Variants in SCUBE2 observed in about 807,000 individuals in gnomAD.
The protein encoded by SCUBE2 is signal peptide, CUB and EGF-like domain-containing protein 2.
A neutral mutation model predicts 125.9 loss-of-function variants in SCUBE2; 114 were observed. The ratio of observed to expected loss-of-function variants is 0.91; its 90% CI spans 0.78 to 1.06. The LOEUF is 1.06. Ranked by LOEUF, SCUBE2 falls within the 50% of genes least tolerant of loss-of-function variation. The probability of loss-of-function intolerance (pLI) is 0.00; values close to 1 mark genes in which losing one functional copy is unlikely to be tolerated. For synonymous variants in SCUBE2, 459 were observed against 492.9 expected (o/e 0.93, Z 0.91); for missense variants, 1,255 against 1,301.8 (o/e 0.96, Z 0.55).
At chr11:9,031,998 G>A (rs979677494) in intron 17 of SCUBE2, among the ~76,000 whole-genome samples, 7 of 152,146 alleles carry the variant, frequency 4.6e-5, no homozygotes, top group Non-Finnish European at 8.8e-5. Context: ...CTGTAGCCTC[G>A]TGGAGTTGTA....
intron 9 of SCUBE2, among the ~76,000 whole-genome samples, chr11:9,056,257 T>A (rs1859073491): frequency 6.6e-6 from 1 of 152,200 alleles, no homozygotes; most frequent in East Asian, 1.9e-4. Flanking sequence ...AAGCTACAGG[T>A]GCTAGCTATG....
At chr11:9,089,604 G>A (rs1024085012) in intron 2 of SCUBE2, 103 bp downstream of exon 2, 18 of 1,304,000 alleles carry the variant, frequency 1.4e-5, no homozygotes, top group Non-Finnish European at 1.8e-5. Context: ...TGGGGGAAAG[G>A]GAGAGGAGGG....
In SCUBE2 at chr11:9,053,680, G is replaced by C; in HGVS notation, c.1287C>G (p.Cys429Trp). 6.2e-7 allele frequency: 1 copy of C among 1,614,116 alleles called. No homozygotes were observed. Among genetic ancestry groups the C allele is most frequent in the Non-Finnish European group, 8.5e-7 (1 of 1,180,010 alleles). ...VNTVGSYECQCHPGYKLHWNK... is the reference protein window; with the variant it reads ...VNTVGSYECQWHPGYKLHWNK... ...TCCAGTGGAGCTTGTACCCAGGGTG[G>C]CACTGGCATTCATAGCTGCCCACTG... Residue 429 changes from cysteine to tryptophan, a missense_variant, in exon 11 of 23, where the codon TGC becomes TGG. Coordinates refer to ENST00000649792, the MANE Select transcript of SCUBE2 (RefSeq NM_001367977.2).
chr11:9,078,345 G>A (rs1371039510), intron 3 of SCUBE2, among the ~76,000 whole-genome samples: 1 of 152,166 alleles, frequency 6.6e-6, no homozygotes, highest in East Asian at 1.9e-4. Flanking sequence ...GGCACCAACA[G>A]GAAATAACAG....
chr11:9,037,194 C>A (rs1006049956), intron 16 of SCUBE2, among the ~76,000 whole-genome samples: 3 of 152,222 alleles, frequency 2.0e-5, no homozygotes, highest in Non-Finnish European at 4.4e-5. Context: ...CTCTCTTCTC[C>A]TTCAGCAGCC....
chr11:9,034,532 T>C (rs889977569), intron 16 of SCUBE2, among the ~76,000 whole-genome samples: 3 of 151,924 alleles, frequency 2.0e-5, no homozygotes, highest in African/African-American at 4.8e-5. Flanking sequence ...CTTGGCAACA[T>C]AGTGAAAATG....
intron 16 of SCUBE2, among the ~76,000 whole-genome samples, chr11:9,045,049 T>G (rs1213307178): frequency 2.0e-5 from 3 of 152,208 alleles, no homozygotes; most frequent in Non-Finnish European, 4.4e-5. Context: ...CCTCGTTTAT[T>G]GGTTGGTTGT....
Position 9,053,034 on chromosome 11 carries a change from AC to A in SCUBE2, c.1447+64del, listed in dbSNP as rs1858582733. The stretch of plus-strand genomic sequence containing the variant: ...TGGAAGCCCTTTGAGGGAATCTAAC[AC>A]CTGGAGGCCAGAGAGGCCTGGCCCC... On this transcript the variant is annotated intron_variant, in intron 12 of 22. Transcript: ENST00000649792. 1.7e-5 allele frequency: 24 copies of A among 1,409,088 alleles called. No individual in the cohort carries two copies. The South Asian group carries it at 2.7e-4, about 16-fold the overall frequency. 87.3% of individuals were successfully genotyped at this position (1,409,088 alleles called of 1,614,324 possible).
At chr11:9,090,485 A>ATTTTTT (rs71452502) in intron 1 of SCUBE2, 7 of 59,740 alleles carry the variant, frequency 1.2e-4, no homozygotes, top group Non-Finnish European at 3.4e-4. Context: ...TTATTTATTT[A>ATTTTTT]TTTATTTTTT....
At chr11:9,063,741 C>T (rs1430730997) in intron 7 of SCUBE2, among the ~76,000 whole-genome samples, 1 of 152,196 alleles carries the variant, frequency 6.6e-6, no homozygotes, top group Non-Finnish European at 1.5e-5. Context: ...GGTGAATGCC[C>T]AGATGAGAGA....
At chr11:9,028,172 C>G (rs936273843) in intron 19 of SCUBE2, among the ~76,000 whole-genome samples, 1 of 151,908 alleles carries the variant, frequency 6.6e-6, no homozygotes, top group Non-Finnish European at 1.5e-5. Context: ...GAAGCTGGGA[C>G]CATATGCAAG....
intron 10 of SCUBE2, among the ~76,000 whole-genome samples, chr11:9,054,726 T>TATATATATA (rs1491239911): frequency 4.6e-4 from 13 of 28,396 alleles, no homozygotes; most frequent in South Asian, 2.5e-3. Flanking sequence ...TATATATATA[T>TATATATATA]TTTTTTTTTT....
chr11:9,077,661 C>T (rs144461501), intron 3 of SCUBE2, among the ~76,000 whole-genome samples: 296 of 152,272 alleles, frequency 1.9e-3, no homozygotes, highest in African/African-American at 6.6e-3. Context: ...CTATGTGTGC[C>T]GGTCCTACTC....
intron 17 of SCUBE2, among the ~76,000 whole-genome samples, chr11:9,033,103 T>TAAA (rs1856455152): frequency 6.6e-6 from 1 of 152,066 alleles, no homozygotes; most frequent in African/African-American, 2.4e-5. Context: ...CATTTAATAA[T>TAAA]AAAATAAATA....
In SCUBE2 at chr11:9,069,394, C is replaced by T. The variant is rs1388885936; in HGVS notation, c.619G>A (p.Ala207Thr). Reference sequence around the variant, plus strand: ...CAGATGCAGTCTCTCTGGTTCTTGGCCAGCTCAAAACCAGGCCTGCACTCA... The same window carrying T: ...CAGATGCAGTCTCTCTGGTTCTTGGTCAGCTCAAAACCAGGCCTGCACTCA... ...ACECRPGFELAKNQRDCILTC... is the reference protein window; with the variant it reads ...ACECRPGFELTKNQRDCILTC... The change falls in exon 5 of 23, where the codon GCC becomes ACC. Residue 207 changes from alanine to threonine, a missense_variant. Physicochemically the swap from Ala to Thr is moderately conservative, Grantham distance 58 (BLOSUM62 0). Transcript: ENST00000649792. 7 of 1,614,222 alleles carry T rather than the reference C, an allele frequency of 4.3e-6. No homozygotes were observed. In the East Asian group the frequency reaches 1.3e-4, roughly 31 times the overall value.
intron 5 of SCUBE2, among the ~76,000 whole-genome samples, chr11:9,067,911 G>A (rs1164592362): frequency 1.5e-5 from 2 of 132,112 alleles, no homozygotes; most frequent in Admixed American, 1.8e-4. Flanking sequence ...AAATGTTGAG[G>A]GTCTCGCCCC....
intron 7 of SCUBE2, chr11:9,065,293 G>A (rs1420890936): frequency 6.6e-6 from 1 of 152,258 alleles, no homozygotes; most frequent in Admixed American, 6.5e-5. Flanking sequence ...GGATTATGGG[G>A]GCGGTTCCCA....
At chr11:9,083,464 T>C (rs1861802790) in intron 2 of SCUBE2, among the ~76,000 whole-genome samples, 1 of 152,156 alleles carries the variant, frequency 6.6e-6, no homozygotes, top group Non-Finnish European at 1.5e-5. Flanking sequence ...GTATTAGGAC[T>C]GAACAAAGAG....
In SCUBE2 at chr11:9,089,752, A is replaced by C; in HGVS notation, c.211T>G (p.Cys71Gly). ...CCTTGGTAGCCAGGCTTGCAGGAGC[A>C]CTTGTAGGAGGTGGGTGTGTTCTGA... ...LCQNTPTSYK[C>G]SCKPGYQGEG... The change falls in exon 2 of 23, where the codon TGC becomes GGC. Residue 71 changes from cysteine (C) to glycine (G), a missense_variant. Cys to Gly is a radical substitution (Grantham distance 159). This residue lies in a region of SCUBE2 where 362 missense variants were observed against 323.0 expected (regional missense o/e 1.12). Transcript: ENST00000649792. 6.2e-7 allele frequency: 1 copy of C among 1,613,880 alleles called. No individual in the cohort carries two copies. The highest frequency in any genetic ancestry group is 8.5e-7 in the Non-Finnish European group (1 of 1,179,898).
Sources: allele counts gnomAD v4.1 joint callset (sites outside exome capture counted in the v4.1 genomes callset), GRCh38; gene constraint gnomAD v4.1.1; regional missense constraint gnomAD v4.1.1; transcripts MANE v1.5; gene names NCBI Gene and HGNC (gene_info 2026-07-23, HGNC 2026-07-21).